The following QTMAN variants were observed in gnomAD, a reference collection of about 807,000 sequenced individuals.
QTMAN encodes queuosine-tRNA mannosyltransferase, also known as tRNA-queuosine alpha-mannosyltransferase.
At chr2:144,250,971 T>A in the QTMAN span, among the ~76,000 whole-genome samples, 1 of 152,082 alleles carries the variant, frequency 6.6e-6, no homozygotes, top group Non-Finnish European at 1.5e-5. Flanking sequence ...CATTTAAGTT[T>A]TAAAAATGTA....
chr2:144,149,748 A>G, the QTMAN span, among the ~76,000 whole-genome samples: 1 of 152,068 alleles, frequency 6.6e-6, no homozygotes, highest in Non-Finnish European at 1.5e-5. Flanking sequence ...ATTTCAAGTC[A>G]TATATGTTTA....
At chr2:144,061,332 T>C in the QTMAN span, among the ~76,000 whole-genome samples, 8 of 152,216 alleles carry the variant, frequency 5.3e-5, no homozygotes, top group Non-Finnish European at 1.2e-4. Flanking sequence ...TGTGGTTCTC[T>C]TCTGGGCAAA....
chr2:144,290,665 T>C, the QTMAN span, among the ~76,000 whole-genome samples: 1 of 152,310 alleles, frequency 6.6e-6, no homozygotes, highest in East Asian at 1.9e-4. Flanking sequence ...ACAGACACAC[T>C]GTCCTCTTTT....
chr2:144,114,230 C>T, the QTMAN span, among the ~76,000 whole-genome samples: 3 of 152,200 alleles, frequency 2.0e-5, no homozygotes, highest in Non-Finnish European at 4.4e-5. Context: ...ACTGATAACA[C>T]AACAGCTTTT....
the QTMAN span, among the ~76,000 whole-genome samples, chr2:144,051,711 T>A: frequency 6.6e-6 from 1 of 152,094 alleles, no homozygotes; most frequent in African/African-American, 2.4e-5. Context: ...GAGAAAATGC[T>A]TCATGAAGAA....
chr2:144,259,559 G>A, the QTMAN span, among the ~76,000 whole-genome samples: 12 of 152,266 alleles, frequency 7.9e-5, no homozygotes, highest in East Asian at 9.6e-4. Flanking sequence ...TTTGGCGAGC[G>A]ACCAAGCATT....
the QTMAN span, among the ~76,000 whole-genome samples, chr2:144,316,041 A>C: frequency 6.6e-6 from 1 of 152,178 alleles, no homozygotes; most frequent in Non-Finnish European, 1.5e-5. Flanking sequence ...TGTATTTAAA[A>C]ATGCTAGCCT....
chr2:144,145,734 A>G, the QTMAN span: 2 of 1,608,634 alleles, frequency 1.2e-6, no homozygotes, highest in East Asian at 2.2e-5. Context: ...ACTTGCAAAG[A>G]GGGTCCTAGG....
chr2:144,006,130 CT>C, the QTMAN span: 1 of 152,098 alleles, frequency 6.6e-6, no homozygotes, highest in Admixed American at 6.5e-5. Flanking sequence ...CTGTCACTAC[CT>C]TAGAAAGGCT....
chr2:143,996,822 A>T, the QTMAN span, among the ~76,000 whole-genome samples: 2 of 152,104 alleles, frequency 1.3e-5, no homozygotes, highest in Admixed American at 1.3e-4. Context: ...CTAATCAGTT[A>T]AAGGAGAGTT....
the QTMAN span, among the ~76,000 whole-genome samples, chr2:144,079,900 C>T: frequency 1.3e-5 from 2 of 152,140 alleles, no homozygotes; most frequent in Admixed American, 6.5e-5. Flanking sequence ...AAATACTTTA[C>T]ATTATTGGAA....
chr2:144,291,859 C>G, the QTMAN span, among the ~76,000 whole-genome samples: 1 of 152,172 alleles, frequency 6.6e-6, no homozygotes, highest in African/African-American at 2.4e-5. Context: ...TCCCAGTTGG[C>G]TACCATGCCT....
the QTMAN span, among the ~76,000 whole-genome samples, chr2:144,131,972 G>A: frequency 1.3e-5 from 2 of 151,828 alleles, no homozygotes; most frequent in South Asian, 2.1e-4. Context: ...AAAGCTTGGT[G>A]AGTCTTAGTG....
the QTMAN span, among the ~76,000 whole-genome samples, chr2:144,173,477 C>T: frequency 6.6e-6 from 1 of 152,140 alleles, no homozygotes; most frequent in East Asian, 1.9e-4. Context: ...TGGGCAACAA[C>T]AAGTCAGAAA....
the QTMAN span, among the ~76,000 whole-genome samples, chr2:144,263,060 T>C: frequency 2.6e-5 from 4 of 151,284 alleles, no homozygotes; most frequent in South Asian, 8.4e-4. Context: ...CTGTAGACCA[T>C]GGCTCACGAC....
At chr2:144,080,179 C>T in the QTMAN span, among the ~76,000 whole-genome samples, 1 of 152,046 alleles carries the variant, frequency 6.6e-6, no homozygotes, top group Non-Finnish European at 1.5e-5. Flanking sequence ...AAATAATTTG[C>T]CTCTTTAACA....
At chr2:144,119,010 G>T in the QTMAN span, among the ~76,000 whole-genome samples, 1 of 152,116 alleles carries the variant, frequency 6.6e-6, no homozygotes, top group Non-Finnish European at 1.5e-5. Flanking sequence ...CCAAATAAAG[G>T]TTTCACAGAT....
At chr2:144,077,268 A>G in the QTMAN span, among the ~76,000 whole-genome samples, 1 of 152,256 alleles carries the variant, frequency 6.6e-6, no homozygotes, top group Non-Finnish European at 1.5e-5. Context: ...TCTCTGTCCC[A>G]GTACCCATTC....
the QTMAN span, among the ~76,000 whole-genome samples, chr2:144,051,191 T>C: frequency 6.6e-6 from 1 of 152,046 alleles, no homozygotes; most frequent in African/African-American, 2.4e-5. Context: ...TTACATACGG[T>C]TTATATAGTT....
Sources: allele counts gnomAD v4.1 joint callset (sites outside exome capture counted in the v4.1 genomes callset), GRCh38; gene constraint gnomAD v4.1.1; transcripts MANE v1.5; gene names NCBI Gene and HGNC (gene_info 2026-07-23, HGNC 2026-07-21).